PCDHGB1: variants seen among roughly 807,000 people sequenced by gnomAD.
The protein encoded by PCDHGB1 is protocadherin gamma-B1.
In PCDHGB1, 34 loss-of-function variants were observed where a neutral mutation model predicts 56.6. The observed-to-expected ratio is 0.60, with a 90% CI of 0.46 to 0.80. PCDHGB1 has a LOEUF of 0.80. PCDHGB1 is among the 30% of genes least tolerant of loss of function. The pLI is 0.00. For synonymous variants in PCDHGB1, 561 were observed against 505.9 expected, an observed-to-expected ratio of 1.11 and a Z score of -1.46; for missense variants, 1,278 against 1,204.6, an observed-to-expected ratio of 1.06 and a Z score of -0.90.
chr5:141,402,324 A>G (rs895598623), intron 1 of PCDHGB1, among the ~76,000 whole-genome samples: 2 of 152,012 alleles, frequency 1.3e-5, no homozygotes, highest in Admixed American at 1.3e-4. Context: ...TTTTACATTT[A>G]CAAATATATA....
chr5:141,405,407 C>CT lies in PCDHGB1; in HGVS notation c.2409+52745dup, dbSNP rs762612492. 13 of 1,582,050 alleles carry CT rather than the reference C, an allele frequency of 8.2e-6. No individual in the cohort carries two copies. In the East Asian group the frequency reaches 1.6e-4, roughly 19 times the overall value. On this transcript the variant is annotated intron_variant, in intron 1 of 3. Transcript: ENST00000523390. Reference sequence around the variant, plus strand: ...TTCATTTTTTTTCTTTCTTTCTTTTCTTTTTTTGTTTTTTGTTTTGTTTTG... The same window carrying CT: ...TTCATTTTTTTTCTTTCTTTCTTTTCTTTTTTTTGTTTTTTGTTTTGTTTTG...
intron 1 of PCDHGB1, chr5:141,370,988 A>T (rs760427095): frequency 2.5e-5 from 41 of 1,613,868 alleles, no homozygotes; most frequent in Non-Finnish European, 3.1e-5. Context: ...TACTGAAAGC[A>T]CCCCTGGACA....
chr5:141,361,729 C>G (rs1762153939), intron 1 of PCDHGB1: 1 of 1,613,138 alleles, frequency 6.2e-7, no homozygotes, highest in Non-Finnish European at 8.5e-7. Flanking sequence ...CGAGCTCACA[C>G]TGCAGGCCCG....
chr5:141,429,697 C>T (rs2097236349), intron 1 of PCDHGB1, among the ~76,000 whole-genome samples: 1 of 152,134 alleles, frequency 6.6e-6, no homozygotes, highest in African/African-American at 2.4e-5. Context: ...AATATCTTTA[C>T]AGTATAAATA....
chr5:141,433,176 T>A, intron 1 of PCDHGB1: 1 of 1,610,288 alleles, frequency 6.2e-7, no homozygotes, highest in Non-Finnish European at 8.5e-7. Flanking sequence ...AGTCATGGGT[T>A]AATTGAGGTG....
chr5:141,374,711 C>G (rs1770761999), intron 1 of PCDHGB1: 7 of 1,609,366 alleles, frequency 4.3e-6, no homozygotes, highest in Non-Finnish European at 5.1e-6. Flanking sequence ...CGTTTACCGC[C>G]TGGTCCTTAC....
intron 1 of PCDHGB1, chr5:141,399,802 C>G: frequency 3.1e-6 from 5 of 1,613,252 alleles, no homozygotes; most frequent in Non-Finnish European, 3.4e-6. Flanking sequence ...ACCGCGGGTG[C>G]TGTACCCCGC....
chr5:141,413,695 T>C lies in PCDHGB1; in HGVS notation c.2409+61026T>C, dbSNP rs573363878. The C allele has an allele frequency of 4.8e-5, 77 of 1,613,796 alleles. 1 individual carries two copies. The highest frequency in any genetic ancestry group is 3.0e-4 in the South Asian group (27 of 91,078). ...TGTGGGCGTGAACTCCCTGCAGAGC[T>C]ATCAGCTCAGCCCCAATAAGCACTT... On this transcript the variant is annotated intron_variant, in intron 1 of 3. Transcript: ENST00000523390.
At position 141,489,094 on chromosome 5, in the gene PCDHGB1, G is replaced by GAAA. The variant is rs2154581134; in HGVS notation, c.2410-5711_2410-5710insAAA. On this transcript the variant is annotated intron_variant, in intron 1 of 3. Coordinates refer to ENST00000523390, the MANE Select transcript of PCDHGB1 (RefSeq NM_018922.3). The surrounding 1 kb of genome is among the most constrained non-coding windows in gnomAD (Gnocchi z 4.5). ...CCCACCCCCGCCACTCGGTGACTAA[G>GAAA]AACTGCTGCAAGCAGGCAAACCTCC... The GAAA allele has an allele frequency of 5.1e-6, 2 of 396,028 alleles. No homozygotes were observed. Among genetic ancestry groups the GAAA allele is most frequent in the South Asian group, 4.8e-5 (1 of 20,814 alleles). The allele number at this position is 396,028 out of a possible 1,614,324, so 24.5% of individuals were successfully genotyped here.
At position 141,403,108 on chromosome 5, in the gene PCDHGB1, G is replaced by A. The variant is rs189164879; in HGVS notation, c.2409+50439G>A. The A allele has an allele frequency of 2.7e-5, 43 of 1,614,086 alleles. No homozygotes were observed. In the African/African-American group the frequency reaches 5.1e-4, roughly 19 times the overall value. ...TTGTGGGCAACATCTCCAAGGACCT[G>A]GCTCTGGAGCCCCGGGAGCTGGCGG... On this transcript the variant is annotated intron_variant, in intron 1 of 3. Coordinates refer to ENST00000523390, the MANE Select transcript of PCDHGB1 (RefSeq NM_018922.3).
At chr5:141,429,735 T>C (rs911956546) in intron 1 of PCDHGB1, among the ~76,000 whole-genome samples, 1 of 152,202 alleles carries the variant, frequency 6.6e-6, no homozygotes. Flanking sequence ...ACGTAGCCAG[T>C]TATTTCTTAG....
chr5:141,364,913 G>C, intron 1 of PCDHGB1: 5 of 1,613,990 alleles, frequency 3.1e-6, no homozygotes, highest in Non-Finnish European at 4.2e-6. Flanking sequence ...TCCGGAGCTG[G>C]TGTTGGAACA....
At position 141,486,811 on chromosome 5, in the gene PCDHGB1, C is replaced by A. The variant is rs2099635196; in HGVS notation, c.2410-7996C>A. On this transcript the variant is annotated intron_variant, in intron 1 of 3. Coordinates refer to ENST00000523390, the MANE Select transcript of PCDHGB1 (RefSeq NM_018922.3). The surrounding 1 kb of genome is among the most constrained non-coding windows in gnomAD (Gnocchi z 5.0). ...GGGATCGGGGCAACCCACCCCTTAG[C>A]AGCACTGTAACAGTTCGTCTATTTG... The A allele has an allele frequency of 1.2e-6, 2 of 1,614,124 alleles. No homozygotes were observed. The highest frequency in any genetic ancestry group is 2.2e-5 in the East Asian group (1 of 44,900).
intron 1 of PCDHGB1, among the ~76,000 whole-genome samples, chr5:141,354,317 A>G (rs1041876300): frequency 2.6e-5 from 4 of 152,162 alleles, no homozygotes; most frequent in Non-Finnish European, 2.9e-5. Context: ...AAAAATTACT[A>G]CTCTATGAAA....
intron 1 of PCDHGB1, chr5:141,382,975 G>C (rs1459980689): frequency 6.2e-7 from 1 of 1,610,700 alleles, no homozygotes; most frequent in Non-Finnish European, 8.5e-7. Context: ...CCCCTGGGAA[G>C]CCTGGGCAGG....
At chr5:141,402,877 T>C in intron 1 of PCDHGB1, 3 of 1,469,748 alleles carry the variant, frequency 2.0e-6, no homozygotes, top group East Asian at 4.9e-5. Flanking sequence ...CACCATACTT[T>C]GCAGGGTGGA....
intron 1 of PCDHGB1, among the ~76,000 whole-genome samples, chr5:141,434,340 G>A (rs2097687601): frequency 6.6e-6 from 1 of 152,150 alleles, no homozygotes; most frequent in Non-Finnish European, 1.5e-5. Context: ...TTTGTGTCGG[G>A]AACAGGCCCC....
intron 1 of PCDHGB1, chr5:141,419,411 C>A (rs757881409): frequency 1.9e-6 from 3 of 1,613,462 alleles, no homozygotes; most frequent in Non-Finnish European, 2.5e-6. Context: ...GTTCGCGCAG[C>A]GCGCCTTCGA....
rs750164473 is a variant in PCDHGB1 at position 141,432,286 on chromosome 5, C to G, written c.2410-62521C>G. Reference sequence around the variant, plus strand: ...TATCGTCCTACGTGTCCATCAACTCCGACACTGGGGTACTGTATGCGCTGA... The same window carrying G: ...TATCGTCCTACGTGTCCATCAACTCGGACACTGGGGTACTGTATGCGCTGA... On this transcript the variant is annotated intron_variant, in intron 1 of 3. Transcript: ENST00000523390. This position sits in a 1 kb window ranked among gnomAD's most constrained non-coding sequence, Gnocchi z 6.0. The G allele has an allele frequency of 6.2e-7, 1 of 1,614,252 alleles. No homozygotes were observed. The highest frequency in any genetic ancestry group is 1.3e-5 in the African/African-American group (1 of 75,070).
Sources: allele counts gnomAD v4.1 joint callset (sites outside exome capture counted in the v4.1 genomes callset), GRCh38; gene constraint gnomAD v4.1.1; non-coding constraint Gnocchi (gnomAD v3.1); transcripts MANE v1.5; gene names NCBI Gene and HGNC (gene_info 2026-07-23, HGNC 2026-07-21).